The following SEMA5A variants were observed in gnomAD, a reference collection of about 807,000 sequenced individuals.
The protein encoded by SEMA5A is semaphorin 5A, also known as semaphorin-5A.
Under a neutral mutation model 135.5 loss-of-function variants are expected in SEMA5A, and 55 were observed. The observed-to-expected ratio is 0.41, with a 90% CI of 0.33 to 0.51. The LOEUF (loss-of-function observed/expected upper bound fraction) is 0.51. Among genes scored for constraint, SEMA5A ranks in the 20% least tolerant of loss-of-function variants. The probability of loss-of-function intolerance (pLI) is 0.37; values close to 1 mark genes in which losing one functional copy is unlikely to be tolerated. For synonymous variants in SEMA5A, 580 were observed against 546.5 expected (o/e 1.06, Z -0.85); for missense variants, 1,290 against 1,419.9 (o/e 0.91, Z 1.47).
intron 2 of SEMA5A, among the ~76,000 whole-genome samples, chr5:9,425,525 C>T (rs1757617623): frequency 1.3e-5 from 2 of 152,240 alleles, no homozygotes; most frequent in Admixed American, 1.3e-4. Flanking sequence ...GAGACGACCA[C>T]TAGCCCTTGG....
At chr5:9,168,473 G>A (rs905411336) in intron 11 of SEMA5A, among the ~76,000 whole-genome samples, 6 of 152,190 alleles carry the variant, frequency 3.9e-5, no homozygotes, top group African/African-American at 1.4e-4. Context: ...GGCTTAGCAT[G>A]GTGCCAAGGT....
chr5:9,532,257 G>T (rs565774045), intron 1 of SEMA5A, among the ~76,000 whole-genome samples: 1 of 149,090 alleles, frequency 6.7e-6, no homozygotes, highest in South Asian at 2.2e-4. Context: ...GGGAAAAACA[G>T]TAATCAATGA....
rs116186690 is a variant in SEMA5A at position 9,195,211 on chromosome 5, C to T, written c.1068+1957G>A. On this transcript the variant is annotated intron_variant, in intron 10 of 22. Coordinates refer to ENST00000382496, the MANE Select transcript of SEMA5A (RefSeq NM_003966.3). ...TTAGAGACAGGGTCTTGCTCTGTCA[C>T]CCAGACTGGAGTGCAGTGGATGGAT... is the stretch of plus-strand genomic sequence containing the variant. Among the ~76,000 whole-genome samples, 1,895 of 152,300 alleles carry T rather than the reference C, an allele frequency of 0.012. 83 individuals are homozygous for T. In the East Asian group the frequency reaches 0.14, roughly 11 times the overall value.
intron 1 of SEMA5A, among the ~76,000 whole-genome samples, chr5:9,475,462 C>T (rs1759636224): frequency 6.6e-6 from 1 of 152,182 alleles, no homozygotes; most frequent in Non-Finnish European, 1.5e-5. Context: ...AATACATTCT[C>T]TAATTTTGAG....
At chr5:9,105,648 A>G (rs1739872295) in intron 16 of SEMA5A, among the ~76,000 whole-genome samples, 1 of 152,174 alleles carries the variant, frequency 6.6e-6, no homozygotes, top group South Asian at 2.1e-4. Context: ...CCTCCTTGAT[A>G]CAGGAGCTCT....
chr5:9,083,273 T>C (rs1738489300), intron 16 of SEMA5A, among the ~76,000 whole-genome samples: 1 of 152,208 alleles, frequency 6.6e-6, no homozygotes, highest in Admixed American at 6.5e-5. Context: ...TCAGCATCAC[T>C]TTCCTACAAT....
At chr5:9,128,462 T>A (rs944299528) in intron 13 of SEMA5A, among the ~76,000 whole-genome samples, 4 of 152,192 alleles carry the variant, frequency 2.6e-5, no homozygotes, top group African/African-American at 9.7e-5. Flanking sequence ...AATATGATAC[T>A]TGGCAATCCT....
chr5:9,179,248 G>A (rs1744373520), intron 11 of SEMA5A, among the ~76,000 whole-genome samples: 1 of 152,074 alleles, frequency 6.6e-6, no homozygotes, highest in Non-Finnish European at 1.5e-5. Context: ...GGATCTGTAT[G>A]AAAAAAGGTA....
chr5:9,493,622 T>A (rs918938396), intron 1 of SEMA5A, among the ~76,000 whole-genome samples: 1 of 152,130 alleles, frequency 6.6e-6, no homozygotes. Context: ...AGGATTAAAG[T>A]TATTTTCCTC....
chr5:9,471,797 G>A (rs574021456), intron 1 of SEMA5A, among the ~76,000 whole-genome samples: 27 of 152,250 alleles, frequency 1.8e-4, no homozygotes, highest in Non-Finnish European at 3.1e-4. Flanking sequence ...ACAGCTAAAC[G>A]ATACAAGCAA....
At chr5:9,356,158 C>T (rs148650978) in intron 3 of SEMA5A, among the ~76,000 whole-genome samples, 6 of 152,314 alleles carry the variant, frequency 3.9e-5, no homozygotes, top group Admixed American at 6.5e-5. Context: ...CCACTGAAGA[C>T]GCATTTCTTC....
At chr5:9,460,455 T>C (rs1172827214) in intron 1 of SEMA5A, among the ~76,000 whole-genome samples, 1 of 152,160 alleles carries the variant, frequency 6.6e-6, no homozygotes, top group Non-Finnish European at 1.5e-5. Context: ...TACTAAAGTA[T>C]TTTTAAAATC....
chr5:9,125,839 G>C (rs1741080403), intron 13 of SEMA5A, among the ~76,000 whole-genome samples: 1 of 151,260 alleles, frequency 6.6e-6, no homozygotes, highest in Admixed American at 6.6e-5. Context: ...CCTACCATTT[G>C]GGATTTTCAA....
intron 2 of SEMA5A, among the ~76,000 whole-genome samples, chr5:9,412,725 T>C (rs570602608): frequency 2.9e-4 from 44 of 152,270 alleles, no homozygotes; most frequent in Admixed American, 5.9e-4. Context: ...GAAGGTGATT[T>C]ATACAATATG....
intron 1 of SEMA5A, among the ~76,000 whole-genome samples, chr5:9,459,663 AATG>A (rs1361393199): frequency 2.6e-5 from 4 of 152,226 alleles, no homozygotes; most frequent in African/African-American, 9.6e-5. Flanking sequence ...AATCCATAGA[AATG>A]ATGACATAAT....
chr5:9,375,062 T>C (rs1755306280), intron 3 of SEMA5A, among the ~76,000 whole-genome samples: 1 of 152,176 alleles, frequency 6.6e-6, no homozygotes, highest in Non-Finnish European at 1.5e-5. Context: ...GCCCCTTATG[T>C]CCTTGCATGA....
Position 9,061,558 on chromosome 5 carries a change from G to A in SEMA5A, c.2518+1329C>T, listed in dbSNP as rs145025303. On this transcript the variant is annotated intron_variant, in intron 18 of 22. Coordinates refer to ENST00000382496, the MANE Select transcript of SEMA5A (RefSeq NM_003966.3). The stretch of plus-strand genomic sequence containing the variant: ...TGGACAGGAGAGCAGGAAGTGGGAA[G>A]TTCTGGTGGAAGTGTTTTAGGTGCT... Among the ~76,000 whole-genome samples the A allele has an allele frequency of 5.9e-5, 9 of 152,290 alleles. No homozygotes were observed. In the East Asian group the frequency reaches 1.7e-3, roughly 30 times the overall value.
intron 5 of SEMA5A, among the ~76,000 whole-genome samples, chr5:9,249,908 G>C (rs1216656009): frequency 6.6e-6 from 1 of 152,150 alleles, no homozygotes; most frequent in Non-Finnish European, 1.5e-5. Context: ...TGGACCCCAG[G>C]GTGGGGATTG....
Position 9,055,927 on chromosome 5 carries a change from C to T in SEMA5A, c.2519-1670G>A, listed in dbSNP as rs190752795. Among the ~76,000 whole-genome samples the T allele has an allele frequency of 7.9e-5, 12 of 151,588 alleles. No homozygotes were observed. In the East Asian group the frequency reaches 2.3e-3, roughly 30 times the overall value. ...CCATATCTATTCTCACTGAAGGAAG[C>T]ACTTGCTGACAGTTTTTTTCTGTTT... On this transcript the variant is annotated intron_variant, in intron 18 of 22. Transcript: ENST00000382496.
Sources: gnomAD v4.1 joint callset for allele counts (sites outside exome capture counted in the v4.1 genomes callset) on GRCh38, gnomAD v4.1.1 for gene constraint, MANE v1.5 for transcripts, NCBI Gene and HGNC (gene_info 2026-07-23, HGNC 2026-07-21) for gene names.